The following UGT1A10 variants were observed in gnomAD, a reference collection of about 807,000 sequenced individuals.
UGT1A10 encodes UDP-glucuronosyltransferase 1A10.
A neutral mutation model predicts 45.8 loss-of-function variants in UGT1A10; 49 were observed. The ratio of observed to expected loss-of-function variants is 1.07; its 90% CI spans 0.85 to 1.36. The LOEUF (loss-of-function observed/expected upper bound fraction) is 1.36, where lower values mean the gene tolerates loss of function less well. Among genes scored for constraint, UGT1A10 ranks in the 40% most tolerant of loss-of-function variants. UGT1A10 has a pLI of 0.00. For missense variants in UGT1A10, 745 were observed against 668.6 expected, an observed-to-expected ratio of 1.11 and a Z score of -1.26; for synonymous variants, 284 against 249.7, an observed-to-expected ratio of 1.14 and a Z score of -1.29.
chr2:233,747,504 C>T, intron 1 of UGT1A10: 2 of 1,608,416 alleles, frequency 1.2e-6, no homozygotes, highest in South Asian at 2.2e-5. Flanking sequence ...GGGCCACACT[C>T]AACTGTACTT....
intron 1 of UGT1A10, among the ~76,000 whole-genome samples, chr2:233,698,183 T>C (rs2075430148): frequency 6.6e-6 from 1 of 152,224 alleles, no homozygotes; most frequent in African/African-American, 2.4e-5. Context: ...TGTATTATGA[T>C]ATGTAATTAT....
chr2:233,651,748 A>G lies in UGT1A10; in HGVS notation c.855+14371A>G, dbSNP rs191487495. 3.2e-4 allele frequency among the ~76,000 whole-genome samples: 48 copies of G among 152,270 alleles called. 1 individual carries two copies. Among genetic ancestry groups the G allele is most frequent in the Non-Finnish European group, 5.9e-4 (40 of 68,008 alleles). On this transcript the variant is annotated intron_variant, in intron 1 of 4. Coordinates refer to ENST00000344644, the MANE Select transcript of UGT1A10 (RefSeq NM_019075.4). ...GTCATAGTCTGAAGTGTCTGATGAG[A>G]AGGAAGCATCACTTGATGGAGTGTG...
chr2:233,664,001 C>A (rs1340384426), intron 1 of UGT1A10, among the ~76,000 whole-genome samples: 1 of 152,154 alleles, frequency 6.6e-6, no homozygotes, highest in Non-Finnish European at 1.5e-5. Context: ...ATCTGGAATA[C>A]TTTACTGCTT....
intron 1 of UGT1A10, chr2:233,649,019 T>C (rs2073672703): frequency 7.7e-7 from 1 of 1,295,348 alleles, no homozygotes; most frequent in African/African-American, 1.5e-5. Flanking sequence ...GGAAAGCCAG[T>C]GCCTATGGTA....
At chr2:233,729,018 A>G in intron 1 of UGT1A10, 6 of 1,591,202 alleles carry the variant, frequency 3.8e-6, no homozygotes, top group Non-Finnish European at 5.1e-6. Context: ...TCTTCCAATT[A>G]CACGTTGATT....
chr2:233,743,044 G>GTCT, intron 1 of UGT1A10: 2 of 317,270 alleles, frequency 6.3e-6, no homozygotes, highest in Non-Finnish European at 1.2e-5. Flanking sequence ...TCCTATCCGT[G>GTCT]TAGTCCCAAC....
At chr2:233,729,020 A>G in intron 1 of UGT1A10, 2 of 1,593,488 alleles carry the variant, frequency 1.3e-6, no homozygotes, top group Non-Finnish European at 8.6e-7. Flanking sequence ...TTCCAATTAC[A>G]CGTTGATTTG....
At chr2:233,644,776 T>G (rs932980914) in intron 1 of UGT1A10, among the ~76,000 whole-genome samples, 1 of 152,106 alleles carries the variant, frequency 6.6e-6, no homozygotes, top group Admixed American at 6.5e-5. Context: ...CAGAACTTTT[T>G]TTTTTCTATT....
intron 1 of UGT1A10, chr2:233,713,099 T>C (rs1323075869): frequency 1.2e-6 from 2 of 1,614,072 alleles, no homozygotes; most frequent in Admixed American, 1.7e-5. Flanking sequence ...TGGTGCCCAC[T>C]GATGGCAGCC....
chr2:233,677,738 A>G (rs1290353170), intron 1 of UGT1A10, among the ~76,000 whole-genome samples: 1 of 152,184 alleles, frequency 6.6e-6, no homozygotes, highest in Non-Finnish European at 1.5e-5. Context: ...GGGAATGCAA[A>G]TTAGTTCATC....
Position 233,649,170 on chromosome 2 carries a change from G to A in UGT1A10, c.855+11793G>A, listed in dbSNP as rs1257825934. On this transcript the variant is annotated intron_variant, in intron 1 of 4. Transcript: ENST00000344644. ...TAAAAAATTATTTTGTGCCATCCAC[G>A]TGTTTGTTGGTTAGCAACTTTTATA... 1.6e-5 allele frequency: 7 copies of A among 441,232 alleles called. No individual in the cohort carries two copies. In the South Asian group the frequency reaches 2.2e-4, roughly 14 times the overall value. 27.3% of individuals were successfully genotyped at this position (441,232 alleles called of 1,614,324 possible).
intron 1 of UGT1A10, chr2:233,747,653 T>C: frequency 6.3e-7 from 1 of 1,590,314 alleles, no homozygotes; most frequent in Non-Finnish European, 8.6e-7. Context: ...CTTCCTTCGA[T>C]GTGGTTTTAA....
chr2:233,726,035 G>A (rs1399776855), intron 1 of UGT1A10, among the ~76,000 whole-genome samples: 10 of 152,160 alleles, frequency 6.6e-5, no homozygotes, highest in Admixed American at 4.6e-4. Context: ...GTGTGATGGC[G>A]CACACCTGTG....
chr2:233,714,055 AGAGG>A (rs1305818023), intron 1 of UGT1A10, among the ~76,000 whole-genome samples: 1 of 152,164 alleles, frequency 6.6e-6, no homozygotes, highest in Non-Finnish European at 1.5e-5. Flanking sequence ...ATGGCCACTG[AGAGG>A]AAGGAGAGGC....
At chr2:233,734,492 T>A (rs983580734) in intron 1 of UGT1A10, among the ~76,000 whole-genome samples, 3 of 151,188 alleles carry the variant, frequency 2.0e-5, no homozygotes, top group Non-Finnish European at 4.5e-5. Flanking sequence ...TTTTTGAAGG[T>A]TTTTTTGTGT....
chr2:233,717,138 C>T (rs1487946480), intron 1 of UGT1A10, among the ~76,000 whole-genome samples: 1 of 152,228 alleles, frequency 6.6e-6, no homozygotes, highest in Non-Finnish European at 1.5e-5. Context: ...AACACCACTA[C>T]ATGGAAATAG....
chr2:233,653,951 T>C (rs1401766600), intron 1 of UGT1A10, among the ~76,000 whole-genome samples: 3 of 152,254 alleles, frequency 2.0e-5, no homozygotes, highest in Non-Finnish European at 4.4e-5. Context: ...CTCTTCATTA[T>C]TGAGGACATT....
intron 1 of UGT1A10, among the ~76,000 whole-genome samples, chr2:233,720,689 A>G (rs964540844): frequency 1.3e-5 from 2 of 151,520 alleles, no homozygotes; most frequent in Non-Finnish European, 2.9e-5. Flanking sequence ...TTCTAAATCC[A>G]TTAAGGGAGC....
At position 233,637,886 on chromosome 2, in the gene UGT1A10, C is replaced by G. The variant is rs183271632; in HGVS notation, c.855+509C>G. 3.3e-5 allele frequency among the ~76,000 whole-genome samples: 5 copies of G among 152,192 alleles called. No homozygotes were observed. In the East Asian group the frequency reaches 9.6e-4, roughly 29 times the overall value. On this transcript the variant is annotated intron_variant, in intron 1 of 4. Coordinates refer to ENST00000344644, the MANE Select transcript of UGT1A10 (RefSeq NM_019075.4). ...TTATGGGTACCTTTATAGAGCAATA[C>G]AGACAGATTTGACAAGTTCTTTTAA...
Sources: gnomAD v4.1 joint callset for allele counts (sites outside exome capture counted in the v4.1 genomes callset) on GRCh38, gnomAD v4.1.1 for gene constraint, MANE v1.5 for transcripts, NCBI Gene and HGNC (gene_info 2026-07-23, HGNC 2026-07-21) for gene names.